Variants in FAT3 observed in about 807,000 individuals in gnomAD.
FAT3 encodes the protein protocadherin Fat 3.
FAT3 carries 95 observed loss-of-function variants against 310.2 expected under a neutral mutation model. That is an observed-to-expected ratio of 0.31 (90% confidence interval 0.26 to 0.36). FAT3 has a LOEUF of 0.36. Ranked by LOEUF, FAT3 falls within the 10% of genes least tolerant of loss-of-function variation. FAT3 has a pLI of 1.00. For missense variants in FAT3, 5,408 were observed against 5,715.6 expected (o/e 0.95, Z 1.74); for synonymous variants, 2,314 against 2,192.9 (o/e 1.06, Z -1.54).
chr11:92,428,327 A>AG (rs1245697541), intron 2 of FAT3, among the ~76,000 whole-genome samples: 1 of 150,174 alleles, frequency 6.7e-6, no homozygotes, highest in East Asian at 1.9e-4. Context: ...AAAAAAAAAA[A>AG]CAGCCCTTGG....
At chr11:92,690,084 C>T (rs1943755704) in intron 3 of FAT3, among the ~76,000 whole-genome samples, 1 of 152,206 alleles carries the variant, frequency 6.6e-6, no homozygotes, top group Admixed American at 6.5e-5. Flanking sequence ...ATGGCTTGTT[C>T]CCTTTGCTAC....
At chr11:92,454,899 T>G (rs1449692426) in intron 2 of FAT3, among the ~76,000 whole-genome samples, 2 of 152,148 alleles carry the variant, frequency 1.3e-5, no homozygotes, top group Non-Finnish European at 2.9e-5. Context: ...ATCCTTACAA[T>G]TCCATGAATA....
chr11:92,757,179 C>T (rs376642948), intron 4 of FAT3, among the ~76,000 whole-genome samples: 1 of 152,070 alleles, frequency 6.6e-6, no homozygotes, highest in Admixed American at 6.5e-5. Context: ...CCACCTCGGC[C>T]TCCCAAAGTG....
chr11:92,750,467 G>C (rs1193394010), intron 4 of FAT3, among the ~76,000 whole-genome samples: 1 of 152,206 alleles, frequency 6.6e-6, no homozygotes, highest in Non-Finnish European at 1.5e-5. Context: ...AAAATAGAAT[G>C]AATGTTCTGA....
At chr11:92,729,568 A>C (rs1451866182) in intron 4 of FAT3, among the ~76,000 whole-genome samples, 1 of 151,886 alleles carries the variant, frequency 6.6e-6, no homozygotes, top group Admixed American at 6.6e-5. Flanking sequence ...CTGGGATTAC[A>C]GGAGCGTGCC....
At chr11:92,453,481 ATT>A (rs964249224) in intron 2 of FAT3, among the ~76,000 whole-genome samples, 12 of 146,490 alleles carry the variant, frequency 8.2e-5, no homozygotes, top group African/African-American at 2.7e-4. Context: ...CCATTTTCCA[ATT>A]TTTTTTTTTT....
Position 92,260,662 on chromosome 11 carries a change from T to C in FAT3, c.-18+35488T>C, listed in dbSNP as rs1022762398. Among the ~76,000 whole-genome samples, 9 of 152,262 alleles carry C rather than the reference T, an allele frequency of 5.9e-5. No homozygotes were observed. The East Asian group carries it at 9.7e-4, about 16-fold the overall frequency. On this transcript the variant is annotated intron_variant, in intron 1 of 27. Coordinates refer to ENST00000525166, the MANE Select transcript of FAT3 (RefSeq NM_001367949.2). ...GATGTAGACCAGGAAGCCTATTTTATGTATCTGTAACAAATAGATTGTAAA... is the reference window on the plus strand; with the variant it reads ...GATGTAGACCAGGAAGCCTATTTTACGTATCTGTAACAAATAGATTGTAAA...
intron 8 of FAT3, among the ~76,000 whole-genome samples, chr11:92,791,042 G>A (rs529109703): frequency 1.2e-4 from 18 of 152,292 alleles, no homozygotes; most frequent in African/African-American, 4.3e-4. Context: ...GCAGCTGAAA[G>A]TAATGTTCCA....
At chr11:92,605,301 G>C (rs56836908) in intron 3 of FAT3, among the ~76,000 whole-genome samples, 4,275 of 152,294 alleles carry the variant, frequency 0.028, 220 homozygotes, top group African/African-American at 0.097. Flanking sequence ...ACATGTGTCA[G>C]AGGAGGCCAT....
intron 3 of FAT3, among the ~76,000 whole-genome samples, chr11:92,682,586 A>G (rs1046867719): frequency 1.3e-5 from 2 of 152,184 alleles, no homozygotes; most frequent in African/African-American, 4.8e-5. Flanking sequence ...GTTAATCACA[A>G]ATACTTGGCA....
chr11:92,505,793 C>A (rs1327099506), intron 2 of FAT3, among the ~76,000 whole-genome samples: 1 of 152,078 alleles, frequency 6.6e-6, no homozygotes, highest in Non-Finnish European at 1.5e-5. Flanking sequence ...GGAGTCAAAG[C>A]CCCACTGGAA....
rs529490287 is a variant in FAT3, at chr11:92,438,643, A to G, written c.3292+83239A>G. 3.3e-5 allele frequency among the ~76,000 whole-genome samples: 5 copies of G among 152,300 alleles called. No homozygotes were observed. In the East Asian group the frequency reaches 9.7e-4, roughly 29 times the overall value. ...GAAACAATTTTGGTTAAATAATACA[A>G]AGTAGAGATTTGAGACTAGGATATT... is the stretch of plus-strand genomic sequence containing the variant. On this transcript the variant is annotated intron_variant, in intron 2 of 27. Transcript: ENST00000525166.
At chr11:92,836,423 G>A in intron 15 of FAT3, 143 bp from the exon 16 acceptor site, 2 of 799,554 alleles carry the variant, frequency 2.5e-6, no homozygotes, top group Non-Finnish European at 3.7e-6. Context: ...CTTCTGCTGG[G>A]GGCGTGGTCA....
rs770786190 is a variant in FAT3, at chr11:92,862,817, C to G, written c.11658+3495C>G. On this transcript the variant is annotated intron_variant, in intron 21 of 27. Coordinates refer to ENST00000525166, the MANE Select transcript of FAT3 (RefSeq NM_001367949.2). ...ATACATGTAATTTCGACTCTCATTC[C>G]CCTTGCATGTAGGTATGAGTGTCTA... 1.3e-3 allele frequency among the ~76,000 whole-genome samples: 191 copies of G among 152,226 alleles called. 2 individuals carry two copies. The highest frequency in any genetic ancestry group is 2.2e-3 in the Non-Finnish European group (153 of 68,024).
intron 2 of FAT3, among the ~76,000 whole-genome samples, chr11:92,464,387 A>G (rs947152284): frequency 2.0e-5 from 3 of 152,218 alleles, no homozygotes; most frequent in Non-Finnish European, 2.9e-5. Context: ...GGCAGATGTC[A>G]TATTTCCCCT....
At chr11:92,555,504 T>G (rs1954986635) in intron 3 of FAT3, among the ~76,000 whole-genome samples, 1 of 152,204 alleles carries the variant, frequency 6.6e-6, no homozygotes, top group East Asian at 1.9e-4. Context: ...CAAATCTAGT[T>G]TTTCTTTAAG....
intron 3 of FAT3, among the ~76,000 whole-genome samples, chr11:92,641,947 A>G (rs183621364): frequency 2.6e-5 from 4 of 152,368 alleles, no homozygotes; most frequent in Admixed American, 2.6e-4. Context: ...AGATCTCTGC[A>G]ACATGAGGTT....
chr11:92,315,506 T>TAGAGAG (rs1947426429), intron 1 of FAT3, among the ~76,000 whole-genome samples: 51 of 86,554 alleles, frequency 5.9e-4, no homozygotes, highest in Non-Finnish European at 9.7e-4. Flanking sequence ...TATATATATA[T>TAGAGAG]ATATATAGAG....
At chr11:92,619,704 G>C (rs1278271777) in intron 3 of FAT3, among the ~76,000 whole-genome samples, 1 of 151,448 alleles carries the variant, frequency 6.6e-6, no homozygotes, top group Non-Finnish European at 1.5e-5. Context: ...AAAGTTAATA[G>C]TCGTTTCTCA....
Sources: gnomAD v4.1 joint callset for allele counts (sites outside exome capture counted in the v4.1 genomes callset) on GRCh38, gnomAD v4.1.1 for gene constraint, MANE v1.5 for transcripts, NCBI Gene and HGNC (gene_info 2026-07-23, HGNC 2026-07-21) for gene names.